Variants in OR6F1 observed in about 807,000 individuals in gnomAD.
The protein encoded by OR6F1 is olfactory receptor family 6 subfamily F member 1.
For synonymous variants in OR6F1, 144 were observed against 150.0 expected (o/e 0.96, Z 0.29); for missense variants, 346 against 376.0 (o/e 0.92, Z 0.66).
At chr1:247,715,869 A>G (rs1354816694) in intron 1 of OR6F1, among the ~76,000 whole-genome samples, 11 of 152,178 alleles carry the variant, frequency 7.2e-5, no homozygotes, top group Admixed American at 7.2e-4. Flanking sequence ...AAAAACACCT[A>G]CATTAAAATT....
rs138204394 is a variant in OR6F1, at chr1:247,712,055, C to T, written c.701G>A (p.Arg234Gln). ...GGAGCACGTGGAGAAGGCTTTGCTC[C>T]GGCCACTGGCAGAGGGGATCCTGAG... ...TILRIPSASG[R>Q]SKAFSTCSSH... Residue 234 changes from arginine to glutamine, a missense_variant, in exon 3 of 3, where the codon CGG becomes CAG. By Grantham distance (43) the Arg-to-Gln change is conservative. Transcript: ENST00000641470. The T allele has an allele frequency of 5.8e-5, 93 of 1,614,084 alleles. No individual in the cohort carries two copies. Among genetic ancestry groups the T allele is most frequent in the Middle Eastern group, 3.3e-4 (2 of 6,060 alleles).
chr1:247,714,656 T>A (rs1660075324), intron 1 of OR6F1, among the ~76,000 whole-genome samples: 2 of 152,076 alleles, frequency 1.3e-5, no homozygotes, highest in Admixed American at 1.3e-4. Context: ...AAGGAAAATA[T>A]TTTTTTCCTC....
At chr1:247,715,729 A>G (rs1417809464) in intron 1 of OR6F1, among the ~76,000 whole-genome samples, 2 of 152,218 alleles carry the variant, frequency 1.3e-5, no homozygotes, top group Admixed American at 6.5e-5. Flanking sequence ...TCTTTCTTAT[A>G]TAAGTCGATT....
rs748087397 is a variant in OR6F1, at chr1:247,712,786, C to T, written c.-31G>A. 1.3e-5 allele frequency: 17 copies of T among 1,311,384 alleles called. No homozygotes were observed. The highest frequency in any genetic ancestry group is 1.8e-5 in the Admixed American group (1 of 55,844). The allele number at this position is 1,311,384 out of a possible 1,614,324, so 81.2% of individuals were successfully genotyped here. A position where few individuals can be genotyped will look rare whatever the true frequency, so the allele number is the denominator to read the frequency against. ...TACTGAAACCAGAAAACAGAGTCCC[C>T]GCACTGAGCCCTTTAACCCAATCAC... On this transcript the variant is annotated 5_prime_UTR_variant, in exon 3 of 3. Coordinates refer to ENST00000641470, the MANE Select transcript of OR6F1 (RefSeq NM_001005286.2).
At chr1:247,714,960 T>C (rs1660081192) in intron 1 of OR6F1, among the ~76,000 whole-genome samples, 1 of 152,198 alleles carries the variant, frequency 6.6e-6, no homozygotes, top group Non-Finnish European at 1.5e-5. Context: ...TCAGGGAGCA[T>C]TGTTAAGAAC....
chr1:247,713,022 T>G (rs964300528), intron 2 of OR6F1, among the ~76,000 whole-genome samples: 1 of 152,198 alleles, frequency 6.6e-6, no homozygotes, highest in Non-Finnish European at 1.5e-5. Flanking sequence ...TCAGCAATTC[T>G]GGAAAGACTG....
rs2103188517 is a variant in OR6F1 at position 247,712,057 on chromosome 1, G to A, written c.699C>T (p.Gly233=). The A allele has an allele frequency of 6.2e-7, 1 of 1,614,108 alleles. No homozygotes were observed. Among genetic ancestry groups the A allele is most frequent in the Non-Finnish European group, 8.5e-7 (1 of 1,179,922 alleles). ...STILRIPSAS[G]RSKAFSTCSS... ...AGCACGTGGAGAAGGCTTTGCTCCGGCCACTGGCAGAGGGGATCCTGAGGA... is the reference window on the plus strand; with the variant it reads ...AGCACGTGGAGAAGGCTTTGCTCCGACCACTGGCAGAGGGGATCCTGAGGA... The change falls in exon 3 of 3, where the codon GGC becomes GGT. Residue 233 remains glycine (G), a synonymous_variant. Transcript: ENST00000641470.
chr1:247,716,002 T>C (rs114144486), intron 1 of OR6F1, among the ~76,000 whole-genome samples: 5,278 of 152,152 alleles, frequency 0.035, 317 homozygotes, highest in African/African-American at 0.12. Context: ...CCTCTAATCC[T>C]AGCACTTTGG....
Position 247,711,748 on chromosome 1 carries a change from C to T in OR6F1, c.*81G>A, listed in dbSNP as rs541725898. ...TCTCTGTGTACCAAGAAAGATTTGC[C>T]CTATTCCTCCACATTCTTACTTGGA... On this transcript the variant is annotated 3_prime_UTR_variant, in exon 3 of 3. Transcript: ENST00000641470. 9 of 850,876 alleles carry T rather than the reference C, an allele frequency of 1.1e-5. No homozygotes were observed. Among genetic ancestry groups the T allele is most frequent in the African/African-American group, 1.0e-4 (6 of 59,380 alleles). 52.7% of individuals were successfully genotyped at this position (850,876 alleles called of 1,614,324 possible).
Position 247,711,550 on chromosome 1 carries a change from C to A in OR6F1, c.*279G>T. 1 of 254,110 alleles carries A rather than the reference C, an allele frequency of 3.9e-6. No homozygotes were observed. The highest frequency in any genetic ancestry group is 9.5e-5 in the South Asian group (1 of 10,554). The allele number at this position is 254,110 out of a possible 1,614,324, so 15.7% of individuals were successfully genotyped here. A position where few individuals can be genotyped will look rare whatever the true frequency, so the allele number is the denominator to read the frequency against. ...TTTAGAGCTGATATACCAAAGCACT[C>A]TTTTTATTGCAGATGTCTCTAATTT... On this transcript the variant is annotated 3_prime_UTR_variant, in exon 3 of 3. Coordinates refer to ENST00000641470, the MANE Select transcript of OR6F1 (RefSeq NM_001005286.2).
chr1:247,715,703 TTAAC>T (rs995635182), intron 1 of OR6F1, among the ~76,000 whole-genome samples: 18 of 152,234 alleles, frequency 1.2e-4, no homozygotes, highest in Non-Finnish European at 2.2e-4. Context: ...ATTTTTCAGA[TTAAC>T]TAACAGATTA....
Position 247,711,830 on chromosome 1 carries a change from T to C in OR6F1, c.926A>G (p.Ter309=), listed in dbSNP as rs761134387. ...GACATCTGTTGTGGTAGAGGAGATT[T>C]ATTTTCCCTTCCATTTCTTCAGCAG... is the stretch of plus-strand genomic sequence containing the variant. ...ETLLKKWKGK[*] Residue 309 remains the stop codon, a stop_retained_variant, in exon 3 of 3, where the codon TAA becomes TGA. Transcript: ENST00000641470. 4 of 1,598,796 alleles carry C rather than the reference T, an allele frequency of 2.5e-6. No individual in the cohort carries two copies. The highest frequency in any genetic ancestry group is 1.7e-6 in the Non-Finnish European group (2 of 1,166,572).
rs201501902 is a variant in OR6F1 at position 247,712,008 on chromosome 1, T to A, written c.748A>T (p.Ile250Phe). 3.7e-6 allele frequency: 6 copies of A among 1,614,194 alleles called. No homozygotes were observed. The Admixed American group carries it at 8.3e-5, about 22-fold the overall frequency. ...AGGAAAACTGTGGACCCATACCAAA[T>A]GAGCACCACGGTGAGATGCGAGGAG... ...TCSSHLTVVL[I>F]WYGSTVFLHV... is the part of the protein sequence containing the mutation. Residue 250 changes from isoleucine (I) to phenylalanine (F), a missense_variant, in exon 3 of 3, where the codon ATT becomes TTT. Transcript: ENST00000641470.
At position 247,712,443 on chromosome 1, in the gene OR6F1, A is replaced by T. The variant is rs145949526; in HGVS notation, c.313T>A (p.Phe105Ile). 4 of 1,614,030 alleles carry T rather than the reference A, an allele frequency of 2.5e-6. No individual in the cohort carries two copies. In the African/African-American group the frequency reaches 5.3e-5, roughly 22 times the overall value. ...TSCLLQMYFV[F>I]SLGCTEYFLL... The stretch of plus-strand genomic sequence containing the variant: ...AAGTACTCTGTGCAGCCTAATGAGA[A>T]AACAAAGTACATCTGCAAAAGACAG... The change falls in exon 3 of 3, where the codon TTC becomes ATC. Residue 105 changes from phenylalanine (F) to isoleucine (I), a missense_variant. Phe to Ile is a conservative substitution (Grantham distance 21). Coordinates refer to ENST00000641470, the MANE Select transcript of OR6F1 (RefSeq NM_001005286.2).
In OR6F1 at chr1:247,712,710, C is replaced by T. The variant is rs1228479932; in HGVS notation, c.46G>A (p.Gly16Ser). ...KTLPQDFLLL[G>S]FPGSQTLQLS... ...TGAAGAGTTTGAGAACCAGGAAAGC[C>T]CAGTAAGAGAAAGTCCTGGGGCAGA... The change falls in exon 3 of 3, where the codon GGC becomes AGC. Residue 16 changes from glycine (G) to serine (S), a missense_variant. Transcript: ENST00000641470. 1 of 1,608,794 alleles carries T rather than the reference C, an allele frequency of 6.2e-7. No individual in the cohort carries two copies. The highest frequency in any genetic ancestry group is 1.7e-5 in the Admixed American group (1 of 59,988).
At position 247,712,297 on chromosome 1, in the gene OR6F1, G is replaced by T. The variant is rs144440883; in HGVS notation, c.459C>A (p.Phe153Leu). The change falls in exon 3 of 3, where the codon TTC (phenylalanine) becomes TTA (leucine). Residue 153 changes from phenylalanine (F) to leucine (L), a missense_variant. Coordinates refer to ENST00000641470, the MANE Select transcript of OR6F1 (RefSeq NM_001005286.2). ...QLALGSWVCGFVAIAVPTALI... is the reference protein window; with the variant it reads ...QLALGSWVCGLVAIAVPTALI... ...GGGCTGTGGGCACTGCAATGGCCAC[G>T]AAACCACACACCCAGGAGCCCAGGG... The T allele has an allele frequency of 6.2e-7, 1 of 1,614,042 alleles. No homozygotes were observed. Among genetic ancestry groups the T allele is most frequent in the African/African-American group, 1.3e-5 (1 of 74,948 alleles).
In OR6F1 at chr1:247,711,636, C is replaced by A. The variant is rs552704190; in HGVS notation, c.*193G>T. 2.1e-6 allele frequency: 1 copy of A among 472,090 alleles called. No individual in the cohort carries two copies. Among genetic ancestry groups the A allele is most frequent in the South Asian group, 4.4e-5 (1 of 22,636 alleles). 29.2% of individuals were successfully genotyped at this position (472,090 alleles called of 1,614,324 possible). ...ATAATTATTTTTTGCTTAAAAATCC[C>A]ATTTGCTTATGTCAAAAACTCCCAT... On this transcript the variant is annotated 3_prime_UTR_variant, in exon 3 of 3. Coordinates refer to ENST00000641470, the MANE Select transcript of OR6F1 (RefSeq NM_001005286.2).
At position 247,712,652 on chromosome 1, in the gene OR6F1, T is replaced by C. The variant is rs1169028648; in HGVS notation, c.104A>G (p.Tyr35Cys). The C allele has an allele frequency of 6.2e-7, 1 of 1,613,286 alleles. No homozygotes were observed. Among genetic ancestry groups the C allele is most frequent in the East Asian group, 2.2e-5 (1 of 44,870 alleles). The change falls in exon 3 of 3, where the codon TAC (tyrosine) becomes TGC (cysteine). Residue 35 changes from tyrosine to cysteine, a missense_variant. Transcript: ENST00000641470. ...LSLFMLFLVM[Y>C]ILTVSGNVAI... ...CACATTACCACTAACTGTGAGGATGTACATCACCAGAAAAAGCATAAAGAG... is the reference window on the plus strand; with the variant it reads ...CACATTACCACTAACTGTGAGGATGCACATCACCAGAAAAAGCATAAAGAG...
chr1:247,713,840 T>G (rs895112137), intron 2 of OR6F1, 51 bp downstream of exon 2: 27 of 398,288 alleles, frequency 6.8e-5, no homozygotes, highest in African/African-American at 4.9e-4. Flanking sequence ...CTAAGGGCAT[T>G]TAGACTATAA....
Sources: allele counts gnomAD v4.1 joint callset (sites outside exome capture counted in the v4.1 genomes callset), GRCh38; gene constraint gnomAD v4.1.1; transcripts MANE v1.5; gene names NCBI Gene and HGNC (gene_info 2026-07-23, HGNC 2026-07-21).